The following PTPDC1 variants were observed in gnomAD, a reference collection of about 807,000 sequenced individuals.
The protein encoded by PTPDC1 is protein tyrosine phosphatase domain containing 1.
A neutral mutation model predicts 75.3 loss-of-function variants in PTPDC1; 53 were observed. The ratio of observed to expected loss-of-function variants is 0.70; its 90% CI spans 0.56 to 0.88. The LOEUF (loss-of-function observed/expected upper bound fraction) is 0.88, where lower values mean the gene tolerates loss of function less well. Among genes scored for constraint, PTPDC1 ranks in the 40% least tolerant of loss-of-function variants. The pLI is 0.00. For synonymous variants in PTPDC1, 349 were observed against 366.2 expected (o/e 0.95, Z 0.54); for missense variants, 925 against 998.6 (o/e 0.93, Z 0.99).
chr9:94,083,798 G>C (rs979444333), upstream of PTPDC1, among the ~76,000 whole-genome samples: 5 of 152,158 alleles, frequency 3.3e-5, no homozygotes, highest in Non-Finnish European at 7.3e-5. Context: ...GAGTTTTTGA[G>C]AGGCATGGCT....
intron 1 of PTPDC1, among the ~76,000 whole-genome samples, chr9:94,040,970 C>T (rs1825412230): frequency 6.6e-6 from 1 of 152,158 alleles, no homozygotes. Context: ...TCTCCTTCAC[C>T]ATGTCCATTG....
rs184864777 is a variant in PTPDC1, at chr9:94,109,738, A to G, written c.*1794A>G. 43 of 152,358 alleles carry G rather than the reference A, an allele frequency of 2.8e-4. No individual in the cohort carries two copies. The highest frequency in any genetic ancestry group is 1.0e-3 in the African/African-American group (43 of 41,582). The allele number at this position is 152,358 out of a possible 1,614,324, so 9.4% of individuals were successfully genotyped here. The stretch of plus-strand genomic sequence containing the variant: ...AGAACAGTTATGATGTGACCATAGC[A>G]TGGCACAACTAAAAATCTAAGCCTG... On this transcript the variant is annotated 3_prime_UTR_variant, in exon 9 of 9. Coordinates refer to ENST00000620992, the MANE Select transcript of PTPDC1 (RefSeq NM_001253829.2).
chr9:94,059,651 A>C (rs1419370211), intron 1 of PTPDC1, among the ~76,000 whole-genome samples: 1 of 152,198 alleles, frequency 6.6e-6, no homozygotes, highest in Non-Finnish European at 1.5e-5. Flanking sequence ...CCGGAGGTCT[A>C]AGTATAGTGA....
chr9:94,039,932 CAA>C (rs888017292), intron 1 of PTPDC1, among the ~76,000 whole-genome samples: 1 of 151,942 alleles, frequency 6.6e-6, no homozygotes, highest in Non-Finnish European at 1.5e-5. Context: ...CAAATTTTGA[CAA>C]ATTTTACTTA....
rs150022345 is a variant in PTPDC1, at chr9:94,056,832, A to G, written c.-6-7902A>G. Among the ~76,000 whole-genome samples the G allele has an allele frequency of 3.6e-3, 551 of 152,314 alleles. 5 individuals are homozygous for G. Among genetic ancestry groups the G allele is most frequent in the Middle Eastern group, 0.014 (4 of 294 alleles). ...CTTACGTTTTAAGTATTCAGTACTA[A>G]TTAGTGAGTGTGTGGCTAATTATAA... On this transcript the variant is annotated intron_variant, in intron 1 of 9. Transcript: ENST00000375360.
At chr9:94,070,369 G>A (rs925560326) in intron 2 of PTPDC1, among the ~76,000 whole-genome samples, 1 of 152,108 alleles carries the variant, frequency 6.6e-6, no homozygotes, top group African/African-American at 2.4e-5. Flanking sequence ...TGCCTGCCTT[G>A]TGTTGCCCTG....
intron 4 of PTPDC1, among the ~76,000 whole-genome samples, chr9:94,090,338 T>A (rs550036910): frequency 4.1e-4 from 60 of 146,996 alleles, no homozygotes; most frequent in Non-Finnish European, 7.6e-4. Context: ...AAATAGGGAA[T>A]CCTTTCCCCA....
intron 1 of PTPDC1, among the ~76,000 whole-genome samples, chr9:94,035,691 C>A (rs1041926361): frequency 6.6e-6 from 1 of 152,144 alleles, no homozygotes; most frequent in African/African-American, 2.4e-5. Context: ...GGGTAAATAC[C>A]CAGAAGTGGG....
chr9:94,108,152 A>G lies in PTPDC1; in HGVS notation c.*208A>G, dbSNP rs558517735. ...TACATTTTTGTTTTGAAAAATTGCC[A>G]TAAATTTGGTGCCACTTTCTTTTAT... On this transcript the variant is annotated 3_prime_UTR_variant, in exon 9 of 9. Coordinates refer to ENST00000620992, the MANE Select transcript of PTPDC1 (RefSeq NM_001253829.2). The G allele has an allele frequency of 1.8e-5, 6 of 332,536 alleles. No homozygotes were observed. In the South Asian group the frequency reaches 4.4e-4, roughly 24 times the overall value. The allele number at this position is 332,536 out of a possible 1,614,324, so 20.6% of individuals were successfully genotyped here.
At chr9:94,051,733 A>G (rs1036414141) in intron 1 of PTPDC1, among the ~76,000 whole-genome samples, 1 of 152,210 alleles carries the variant, frequency 6.6e-6, no homozygotes, top group Non-Finnish European at 1.5e-5. Context: ...ATTTTATATA[A>G]TTAATCACAT....
At chr9:94,075,121 C>T (rs2117923745) in intron 2 of PTPDC1, among the ~76,000 whole-genome samples, 1 of 131,352 alleles carries the variant, frequency 7.6e-6, no homozygotes, top group South Asian at 2.2e-4. Flanking sequence ...CTGCCCATTT[C>T]TATCTGATGG....
rs1458090381 is a variant in PTPDC1 at position 94,095,326 on chromosome 9, A to G, written c.626A>G (p.Tyr209Cys). ...EAFMEAGIYF[Y>C]NFGWKDYGVA... ...TTTTCTTTTTTCCTAGTTTACTTCT[A>G]CAATTTCGGATGGAAGGATTATGGT... Residue 209 changes from tyrosine (Y) to cysteine (C), a missense_variant, in exon 5 of 9, where the codon TAC becomes TGC. Coordinates refer to ENST00000620992, the MANE Select transcript of PTPDC1 (RefSeq NM_001253829.2). The G allele has an allele frequency of 2.5e-6, 4 of 1,599,354 alleles. No individual in the cohort carries two copies. In the African/African-American group the frequency reaches 4.1e-5, roughly 16 times the overall value.
Position 94,061,397 on chromosome 9 carries a change from C to G in PTPDC1, c.-6-3337C>G, listed in dbSNP as rs139567025. Among the ~76,000 whole-genome samples the G allele has an allele frequency of 5.3e-3, 813 of 152,298 alleles. 5 individuals carry two copies. Among genetic ancestry groups the G allele is most frequent in the Middle Eastern group, 0.014 (4 of 294 alleles). On this transcript the variant is annotated intron_variant, in intron 1 of 9. Transcript: ENST00000375360. ...GCTGGAGACTTTGTCATTCCAGGGT[C>G]TGGAAGACAGTGGCCTTCTTCTCAC...
chr9:94,060,417 A>T (rs1224712698), intron 1 of PTPDC1, among the ~76,000 whole-genome samples: 2 of 152,058 alleles, frequency 1.3e-5, no homozygotes, highest in African/African-American at 2.4e-5. Flanking sequence ...GTTAGAAATA[A>T]GTCTTTAAAG....
chr9:94,048,315 C>A (rs1369625463), intron 1 of PTPDC1, among the ~76,000 whole-genome samples: 2 of 152,094 alleles, frequency 1.3e-5, no homozygotes, highest in African/African-American at 2.4e-5. Flanking sequence ...AATTTTAGAT[C>A]CTTCCTGCTT....
chr9:94,038,821 A>G (rs1402848002), intron 1 of PTPDC1, among the ~76,000 whole-genome samples: 20 of 152,226 alleles, frequency 1.3e-4, no homozygotes, highest in Non-Finnish European at 2.9e-5. Flanking sequence ...TGTCTACTTT[A>G]TATTTTTGGC....
chr9:94,068,289 TC>T (rs1371690601), intron 2 of PTPDC1, among the ~76,000 whole-genome samples: 6 of 152,196 alleles, frequency 3.9e-5, no homozygotes, highest in African/African-American at 1.4e-4. Flanking sequence ...CCCAATAATA[TC>T]CTTTAATAGG....
At chr9:94,096,398 A>G (rs113939458) in intron 5 of PTPDC1, among the ~76,000 whole-genome samples, 109 of 152,284 alleles carry the variant, frequency 7.2e-4, no homozygotes, top group African/African-American at 2.4e-3. Context: ...TGAGAAAGGT[A>G]TGTTGTTACC....
At chr9:94,059,385 T>TA (rs1826059308) in intron 1 of PTPDC1, among the ~76,000 whole-genome samples, 1 of 152,178 alleles carries the variant, frequency 6.6e-6, no homozygotes, top group Non-Finnish European at 1.5e-5. Flanking sequence ...GACAGTAGTG[T>TA]AAGTTAACTA....
Sources: gnomAD v4.1 joint callset for allele counts (sites outside exome capture counted in the v4.1 genomes callset) on GRCh38, gnomAD v4.1.1 for gene constraint, MANE v1.5 for transcripts, NCBI Gene and HGNC (gene_info 2026-07-23, HGNC 2026-07-21) for gene names.